Variants in GALK2 observed in about 807,000 individuals in gnomAD.
GALK2 encodes the protein galactokinase 2.
A neutral mutation model predicts 52.4 loss-of-function variants in GALK2; 36 were observed. That is an observed-to-expected ratio of 0.69 (90% confidence interval 0.53 to 0.91). The LOEUF is 0.91. Ranked by LOEUF, GALK2 falls within the 40% of genes least tolerant of loss-of-function variation. The pLI is 0.00. For synonymous variants in GALK2, 176 were observed against 199.1 expected, an observed-to-expected ratio of 0.88 and a Z score of 0.98; for missense variants, 579 against 559.1, an observed-to-expected ratio of 1.04 and a Z score of -0.36.
chr15:49,360,416 G>T (rs994032149), intron 3 of GALK2, among the ~76,000 whole-genome samples: 11 of 151,976 alleles, frequency 7.2e-5, no homozygotes, highest in Admixed American at 4.6e-4. Flanking sequence ...TCTTTTTAAC[G>T]AGACCCATAC....
At chr15:49,190,820 T>C (rs2086675066) in intron 1 of GALK2, among the ~76,000 whole-genome samples, 2 of 152,210 alleles carry the variant, frequency 1.3e-5, no homozygotes, top group African/African-American at 2.4e-5. Context: ...CAGTTGTTTC[T>C]GTATGTCACT....
At chr15:49,348,905 T>C (rs542021950) in intron 3 of GALK2, among the ~76,000 whole-genome samples, 2 of 152,206 alleles carry the variant, frequency 1.3e-5, no homozygotes, top group Non-Finnish European at 2.9e-5. Flanking sequence ...TTCTCCTAAA[T>C]TGAACAAACC....
At chr15:49,290,558 A>G (rs2033833922) in intron 7 of GALK2, among the ~76,000 whole-genome samples, 2 of 152,156 alleles carry the variant, frequency 1.3e-5, no homozygotes, top group South Asian at 4.1e-4. Flanking sequence ...TCACTGGCCC[A>G]GTTTTCTTGG....
At chr15:49,254,300 G>A (rs940802331) in intron 5 of GALK2, among the ~76,000 whole-genome samples, 1 of 144,016 alleles carries the variant, frequency 6.9e-6, no homozygotes, top group Non-Finnish European at 1.6e-5. Context: ...GACCATCAAA[G>A]ACCATAAATC....
intron 9 of GALK2, among the ~76,000 whole-genome samples, chr15:49,322,849 C>T (rs1026601924): frequency 1.3e-5 from 2 of 150,730 alleles, no homozygotes; most frequent in African/African-American, 2.4e-5. Flanking sequence ...CCCAGCTACT[C>T]GGGAGGCTGA....
chr15:49,258,814 G>C (rs1467803788), intron 5 of GALK2, among the ~76,000 whole-genome samples: 2 of 150,084 alleles, frequency 1.3e-5, no homozygotes, highest in Admixed American at 6.7e-5. Context: ...GTGTGTGTGT[G>C]TGTGTGTGTG....
chr15:49,253,426 T>C (rs1223837353), intron 5 of GALK2, among the ~76,000 whole-genome samples: 1 of 144,554 alleles, frequency 6.9e-6, no homozygotes, highest in Non-Finnish European at 1.6e-5. Context: ...ATATTTTTTC[T>C]TTCTTTCTTT....
rs115158518 is a variant in GALK2 at position 49,176,309 on chromosome 15, C to T, written c.53+5934C>T. 5.8e-3 allele frequency among the ~76,000 whole-genome samples: 889 copies of T among 152,310 alleles called. 14 individuals are homozygous for T. The highest frequency in any genetic ancestry group is 0.021 in the African/African-American group (856 of 41,564). On this transcript the variant is annotated intron_variant, in intron 1 of 9. Transcript: ENST00000560031. ...AGGTTATGCTATTTTAATGTAAATT[C>T]TTGGTAAACAAGTTAGGAACCACCC...
At position 49,178,438 on chromosome 15, in the gene GALK2, C is replaced by T. The variant is rs569777598; in HGVS notation, c.53+8063C>T. ...ACCCCACAGTGGCGTCCAGCTTTCTCGTCTTCAATGGACTTCAAGCATACT... is the reference window on the plus strand; with the variant it reads ...ACCCCACAGTGGCGTCCAGCTTTCTTGTCTTCAATGGACTTCAAGCATACT... On this transcript the variant is annotated intron_variant, in intron 1 of 9. Coordinates refer to ENST00000560031, the MANE Select transcript of GALK2 (RefSeq NM_002044.4). The T allele has an allele frequency of 2.9e-5, 7 of 241,342 alleles. No individual in the cohort carries two copies. In the East Asian group the frequency reaches 4.0e-4, roughly 14 times the overall value. 15.0% of individuals were successfully genotyped at this position (241,342 alleles called of 1,614,324 possible). A position where few individuals can be genotyped will look rare whatever the true frequency, so the allele number is the denominator to read the frequency against.
chr15:49,238,515 A>G (rs2090941361), intron 4 of GALK2, among the ~76,000 whole-genome samples: 1 of 152,198 alleles, frequency 6.6e-6, no homozygotes, highest in East Asian at 1.9e-4. Flanking sequence ...GGATTTTCTC[A>G]TGTAGCTGGC....
chr15:49,165,683 T>A (rs2084795638), upstream of GALK2, among the ~76,000 whole-genome samples: 1 of 152,118 alleles, frequency 6.6e-6, no homozygotes, highest in South Asian at 2.1e-4. Context: ...AATATATTAT[T>A]AAATTTAACA....
intron 1 of GALK2, among the ~76,000 whole-genome samples, chr15:49,174,006 G>C (rs1452250107): frequency 1.3e-5 from 2 of 152,142 alleles, no homozygotes; most frequent in Non-Finnish European, 2.9e-5. Flanking sequence ...GTCTCCCTGG[G>C]ATTACAGGCT....
chr15:49,331,804 G>C lies in GALK2; in HGVS notation c.*3645G>C, dbSNP rs1479407655. The stretch of plus-strand genomic sequence containing the variant: ...CCAGTTTATGTAGGAACTTCTCAAA[G>C]TCCTGTTTCACTTCATGAGGTTTCT... On this transcript the variant is annotated 3_prime_UTR_variant, in exon 10 of 10. Coordinates refer to ENST00000560031, the MANE Select transcript of GALK2 (RefSeq NM_002044.4). 2.5e-6 allele frequency: 4 copies of C among 1,610,246 alleles called. No individual in the cohort carries two copies. The highest frequency in any genetic ancestry group is 3.4e-6 in the Non-Finnish European group (4 of 1,176,672).
chr15:49,277,111 C>T (rs1467492264), intron 5 of GALK2, among the ~76,000 whole-genome samples: 1 of 133,194 alleles, frequency 7.5e-6, no homozygotes, highest in Non-Finnish European at 1.6e-5. Flanking sequence ...GTAGGGCGCC[C>T]GCCAACACGC....
At chr15:49,280,045 T>C (rs2032461592) in intron 5 of GALK2, among the ~76,000 whole-genome samples, 1 of 152,204 alleles carries the variant, frequency 6.6e-6, no homozygotes, top group African/African-American at 2.4e-5. Context: ...AAGCAGCAGG[T>C]GTTTATTAAT....
chr15:49,261,612 G>A (rs924102389), intron 5 of GALK2, among the ~76,000 whole-genome samples: 2 of 151,130 alleles, frequency 1.3e-5, no homozygotes, highest in African/African-American at 4.8e-5. Flanking sequence ...ATGTTGAATA[G>A]GAGTGGTGAG....
chr15:49,258,835 A>T lies in GALK2; in HGVS notation c.504+19468A>T, dbSNP rs1379221369. Reference sequence around the variant, plus strand: ...GTGTGTGTGTGTGTGTGTGTGAGAGAGAGAGAGAGAGAGAGAGAGATGGTA... The same window carrying T: ...GTGTGTGTGTGTGTGTGTGTGAGAGTGAGAGAGAGAGAGAGAGAGATGGTA... On this transcript the variant is annotated intron_variant, in intron 5 of 9. Transcript: ENST00000560031. Among the ~76,000 whole-genome samples the T allele has an allele frequency of 1.3e-3, 182 of 144,396 alleles. 1 individual carries two copies. The highest frequency in any genetic ancestry group is 4.4e-3 in the African/African-American group (161 of 36,366). The allele number at this position is 144,396 out of a possible 152,430, so 94.7% of individuals were successfully genotyped here.
intron 8 of GALK2, among the ~76,000 whole-genome samples, chr15:49,297,224 TC>T (rs990046677): frequency 2.0e-5 from 3 of 152,362 alleles, no homozygotes; most frequent in African/African-American, 7.2e-5. Context: ...CATGTGTATG[TC>T]TTTTTTTGAG....
intron 5 of GALK2, 28 bp from the exon 6 acceptor site, chr15:49,281,959 C>T (rs773094848): frequency 2.0e-6 from 3 of 1,516,396 alleles, no homozygotes; most frequent in African/African-American, 1.4e-5. Context: ...TGACTACTCA[C>T]AGTACAAATC....
Sources: allele counts gnomAD v4.1 joint callset (sites outside exome capture counted in the v4.1 genomes callset), GRCh38; gene constraint gnomAD v4.1.1; transcripts MANE v1.5; gene names NCBI Gene and HGNC (gene_info 2026-07-23, HGNC 2026-07-21).